The following SIGLEC7 variants were observed in gnomAD, a reference collection of about 807,000 sequenced individuals.
SIGLEC7 encodes sialic acid binding Ig like lectin 7, also known as sialic acid-binding Ig-like lectin 7.
SIGLEC7 carries 33 observed loss-of-function variants against 40.8 expected under a neutral mutation model. The ratio of observed to expected loss-of-function variants is 0.81; its 90% CI spans 0.61 to 1.08. SIGLEC7 has a LOEUF of 1.08. Ranked by LOEUF, SIGLEC7 falls within the 50% of genes least tolerant of loss-of-function variation. SIGLEC7 has a pLI of 0.00. For missense variants in SIGLEC7, 513 were observed against 576.1 expected, an observed-to-expected ratio of 0.89 and a Z score of 1.12; for synonymous variants, 242 against 237.6, an observed-to-expected ratio of 1.02 and a Z score of -0.17.
Position 51,146,789 on chromosome 19 carries a change from G to C in SIGLEC7, c.1063G>C (p.Ala355Pro). The part of the protein sequence containing the change: ...MRPVSGVLLG[A>P]VGGAGATALV... ...GCCTGTATCAGGAGTGTTGCTGGGG[G>C]CGGTCGGGGGAGCTGGAGCCACAGC... Residue 355 changes from alanine to proline, a missense_variant, in exon 5 of 7, where the codon GCG (alanine) becomes CCG (proline). Transcript: ENST00000317643. 6.2e-7 allele frequency: 1 copy of C among 1,613,898 alleles called. No homozygotes were observed. Among genetic ancestry groups the C allele is most frequent in the Non-Finnish European group, 8.5e-7 (1 of 1,179,912 alleles).
chr19:51,147,146 T>C, intron 5 of SIGLEC7, 75 bp from the exon 6 acceptor site: 2 of 1,598,680 alleles, frequency 1.3e-6, no homozygotes, highest in South Asian at 1.1e-5. Context: ...CAACAGGAAA[T>C]ACAGGGCAGG....
chr19:51,144,269 T>C, intron 1 of SIGLEC7, 137 bp from the exon 2 acceptor site: 2 of 1,455,564 alleles, frequency 1.4e-6, no homozygotes, highest in Non-Finnish European at 1.8e-6. Flanking sequence ...AAGCCTGGGA[T>C]GGGGCCCCTG....
chr19:51,148,489 C>A (rs1412929134), intron 6 of SIGLEC7, among the ~76,000 whole-genome samples: 1 of 152,164 alleles, frequency 6.6e-6, no homozygotes, highest in African/African-American at 2.4e-5. Flanking sequence ...GCCTCCAGCT[C>A]CATCCATGTT....
intron 6 of SIGLEC7, among the ~76,000 whole-genome samples, chr19:51,152,161 G>C (rs1361059699): frequency 6.6e-6 from 1 of 152,092 alleles, no homozygotes; most frequent in East Asian, 1.9e-4. Flanking sequence ...ACCCTTTCTG[G>C]CTTCTAGAGG....
chr19:51,153,019 A>AT, intron 6 of SIGLEC7, 44 bp from the exon 7 acceptor site: 2 of 1,426,092 alleles, frequency 1.4e-6, no homozygotes, highest in Non-Finnish European at 1.9e-6. Context: ...GCCTTATCCT[A>AT]TTTCCACTGC....
At position 51,144,305 on chromosome 19, in the gene SIGLEC7, C is replaced by A. The variant is rs1016654071; in HGVS notation, c.434-101C>A. ...CCCTGGGAGAGGGCTGAGGGTGAAGCGAGTTGGGCTCAGGGCAGAAGCTGA... is the reference window on the plus strand; with the variant it reads ...CCCTGGGAGAGGGCTGAGGGTGAAGAGAGTTGGGCTCAGGGCAGAAGCTGA... On this transcript the variant is annotated intron_variant, in intron 1 of 6. Transcript: ENST00000317643. 2.4e-5 allele frequency: 36 copies of A among 1,510,568 alleles called. 1 individual carries two copies. The highest frequency in any genetic ancestry group is 2.8e-5 in the African/African-American group (2 of 71,844). The allele number at this position is 1,510,568 out of a possible 1,614,324, so 93.6% of individuals were successfully genotyped here. A position where few individuals can be genotyped will look rare whatever the true frequency, so the allele number is the denominator to read the frequency against.
In SIGLEC7 at chr19:51,146,865, TAGGG is replaced by T; in HGVS notation, c.1124+26_1124+29del. ...ATCTTCATTGTGTGAGCACTGACCC[TAGGG>T]AGGGAGGGAGAGTCCTGGGGGAGGG... On this transcript the variant is annotated intron_variant, in intron 5 of 6. Transcript: ENST00000317643. 1 of 1,609,766 alleles carries T rather than the reference TAGGG, an allele frequency of 6.2e-7. No homozygotes were observed. The highest frequency in any genetic ancestry group is 1.7e-5 in the Admixed American group (1 of 59,776).
At chr19:51,149,974 T>C (rs2122913918) in intron 6 of SIGLEC7, among the ~76,000 whole-genome samples, 1 of 152,338 alleles carries the variant, frequency 6.6e-6, no homozygotes, top group East Asian at 1.9e-4. Flanking sequence ...ATAGAAATAC[T>C]AGTGATTTTT....
At chr19:51,148,872 T>C (rs1483458875) in intron 6 of SIGLEC7, among the ~76,000 whole-genome samples, 2 of 152,238 alleles carry the variant, frequency 1.3e-5, no homozygotes, top group African/African-American at 4.8e-5. Context: ...TTTTTAAAAG[T>C]AGCCATTCTG....
chr19:51,143,992 A>C, intron 1 of SIGLEC7: 1 of 500,582 alleles, frequency 2.0e-6, no homozygotes, highest in Admixed American at 2.3e-5. Context: ...TCAATATACA[A>C]TGGAATAATC....
chr19:51,142,301 G>C lies in SIGLEC7; in HGVS notation c.-69G>C, dbSNP rs886720369. On this transcript the variant is annotated 5_prime_UTR_variant, in exon 1 of 7. Coordinates refer to ENST00000317643, the MANE Select transcript of SIGLEC7 (RefSeq NM_014385.4). The surrounding 1 kb of genome is among the most constrained non-coding windows in gnomAD (Gnocchi z 5.0). ...AGGGCCTCTTCTAAGTCTTGAGCCC[G>C]CAGTTCCTGAGAGAAGAACCCTGAG... The C allele has an allele frequency of 1.9e-6, 3 of 1,562,568 alleles. No homozygotes were observed. The highest frequency in any genetic ancestry group is 1.2e-5 in the South Asian group (1 of 83,000).
chr19:51,147,877 CT>C (rs2092120452), intron 6 of SIGLEC7, among the ~76,000 whole-genome samples: 1 of 152,212 alleles, frequency 6.6e-6, no homozygotes, highest in African/African-American at 2.4e-5. Context: ...CTCATTGCAG[CT>C]CCTCAACTCT....
At chr19:51,146,599 T>C (rs140933039) in intron 4 of SIGLEC7, among the ~76,000 whole-genome samples, 155 bp from the exon 5 acceptor site, 1 of 152,286 alleles carries the variant, frequency 6.6e-6, no homozygotes, top group Non-Finnish European at 1.5e-5. Context: ...CTCAGTGACC[T>C]CAGGAGTTGT....
intron 2 of SIGLEC7, 37 bp downstream of exon 2, chr19:51,144,721 G>A (rs550855337): frequency 8.1e-6 from 13 of 1,599,608 alleles, no homozygotes; most frequent in East Asian, 2.2e-5. Context: ...TCCCTGATGA[G>A]GGGGGGACGT....
Position 51,142,517 on chromosome 19 carries a change from T to C in SIGLEC7, c.148T>C (p.Tyr50His). ...MCVHVRCSFS[Y>H]PVDSQTDSDP... ...TGTCCATGTGCGCTGCTCCTTCTCC[T>C]ACCCAGTGGACAGCCAGACTGACTC... Residue 50 changes from tyrosine (Y) to histidine (H), a missense_variant, in exon 1 of 7, where the codon TAC becomes CAC. By Grantham distance (83) the Tyr-to-His change is moderately conservative (BLOSUM62 2). Transcript: ENST00000317643. The surrounding 1 kb of genome is among the most constrained non-coding windows in gnomAD (Gnocchi z 5.0). 6.2e-7 allele frequency: 1 copy of C among 1,614,170 alleles called. No homozygotes were observed. Among genetic ancestry groups the C allele is most frequent in the Non-Finnish European group, 8.5e-7 (1 of 1,180,028 alleles).
Position 51,142,355 on chromosome 19 carries a change from C to T in SIGLEC7, c.-15C>T, listed in dbSNP as rs1350883468. ...CAGACGTTCCCTCGCGGCCCTGGCACCTCCAACCCCAGATATGCTGCTGCT... is the reference window on the plus strand; with the variant it reads ...CAGACGTTCCCTCGCGGCCCTGGCATCTCCAACCCCAGATATGCTGCTGCT... On this transcript the variant is annotated 5_prime_UTR_variant, in exon 1 of 7. Coordinates refer to ENST00000317643, the MANE Select transcript of SIGLEC7 (RefSeq NM_014385.4). The surrounding 1 kb of genome is among the most constrained non-coding windows in gnomAD (Gnocchi z 5.0). 10 of 1,610,564 alleles carry T rather than the reference C, an allele frequency of 6.2e-6. No homozygotes were observed. The highest frequency in any genetic ancestry group is 3.3e-5 in the South Asian group (3 of 90,638).
intron 5 of SIGLEC7, 182 bp from the exon 6 acceptor site, chr19:51,147,039 G>C: frequency 9.3e-7 from 1 of 1,071,262 alleles, no homozygotes; most frequent in East Asian, 2.6e-5. Context: ...GTGAACCTTG[G>C]GCCCCACCAC....
Position 51,153,510 on chromosome 19 carries a change from A to G in SIGLEC7, c.*265A>G. Reference sequence around the variant, plus strand: ...GATGACTACTTTAGATTCCGAATATAGTGAGATTGTAACGTGTTTGTCTCT... The same window carrying G: ...GATGACTACTTTAGATTCCGAATATGGTGAGATTGTAACGTGTTTGTCTCT... On this transcript the variant is annotated 3_prime_UTR_variant, in exon 7 of 7. Transcript: ENST00000317643. 3.8e-6 allele frequency: 1 copy of G among 264,310 alleles called. No individual in the cohort carries two copies. The highest frequency in any genetic ancestry group is 7.1e-6 in the Non-Finnish European group (1 of 140,156). 16.4% of individuals were successfully genotyped at this position (264,310 alleles called of 1,614,324 possible).
Position 51,146,085 on chromosome 19 carries a change from G to A in SIGLEC7, c.991G>A (p.Val331Ile), listed in dbSNP as rs748553827. 1.4e-5 allele frequency: 22 copies of A among 1,614,104 alleles called. No homozygotes were observed. The highest frequency in any genetic ancestry group is 5.3e-5 in the African/African-American group (4 of 74,938). ...RAQNSLGSQH[V>I]SLNLSLQQEY... is the part of the protein sequence containing the mutation. ...TCAGAACTCTCTGGGTTCCCAGCAC[G>A]TTTCCCTGAACCTCTCCCTGCAACA... The change falls in exon 4 of 7, where the codon GTT becomes ATT. Residue 331 changes from valine (V) to isoleucine (I), a missense_variant. By Grantham distance (29) the Val-to-Ile change is conservative. Coordinates refer to ENST00000317643, the MANE Select transcript of SIGLEC7 (RefSeq NM_014385.4).
Sources: gnomAD v4.1 joint callset for allele counts (sites outside exome capture counted in the v4.1 genomes callset) on GRCh38, gnomAD v4.1.1 for gene constraint, Gnocchi (gnomAD v3.1) non-coding constraint, MANE v1.5 for transcripts, NCBI Gene and HGNC (gene_info 2026-07-23, HGNC 2026-07-21) for gene names.